CIROZ: variants seen among roughly 807,000 people sequenced by gnomAD.
CIROZ encodes ciliated left-right organizer protein containing ZP-N domains.
At chr1:10,957,634 G>A in the CIROZ span, 1 of 1,614,146 alleles carries the variant, frequency 6.2e-7, no homozygotes, top group South Asian at 1.1e-5. Context: ...TCTGAAGAAG[G>A]CCTTGTCTCG....
At chr1:10,971,646 T>G in the CIROZ span, among the ~76,000 whole-genome samples, 1 of 152,140 alleles carries the variant, frequency 6.6e-6, no homozygotes, top group Admixed American at 6.5e-5. Flanking sequence ...TCTCTTTCCT[T>G]CCTGACTTGA....
the CIROZ span, chr1:10,949,846 T>G: frequency 6.6e-7 from 1 of 1,504,360 alleles, no homozygotes; most frequent in East Asian, 2.5e-5. Context: ...TCAGCCTTCC[T>G]CCTAAGGAAG....
chr1:10,968,746 G>A, the CIROZ span, among the ~76,000 whole-genome samples: 4 of 152,214 alleles, frequency 2.6e-5, no homozygotes, highest in Non-Finnish European at 4.4e-5. Flanking sequence ...AAAAGCCACA[G>A]GTGTCTCTGA....
chr1:10,960,143 T>C, the CIROZ span, among the ~76,000 whole-genome samples: 9,259 of 152,170 alleles, frequency 0.061, 448 homozygotes, highest in African/African-American at 0.13. This position sits in a 1 kb window ranked among gnomAD's most constrained non-coding sequence, Gnocchi z 4.6. Flanking sequence ...ATCTCAGCAC[T>C]TTGGGAGGCT....
chr1:10,969,312 A>C, the CIROZ span, among the ~76,000 whole-genome samples: 2 of 151,880 alleles, frequency 1.3e-5, no homozygotes, highest in Non-Finnish European at 2.9e-5. Context: ...TCCCTCCAGA[A>C]GGTTCCAGAA....
At chr1:10,950,611 C>T in the CIROZ span, among the ~76,000 whole-genome samples, 1 of 152,184 alleles carries the variant, frequency 6.6e-6, no homozygotes, top group Admixed American at 6.5e-5. Flanking sequence ...GCAGGGTGTT[C>T]AGCAGGCCCC....
chr1:10,950,521 T>C, the CIROZ span, among the ~76,000 whole-genome samples: 1 of 152,064 alleles, frequency 6.6e-6, no homozygotes, highest in African/African-American at 2.4e-5. Context: ...CCTGACCACC[T>C]TTCAGGTCAG....
At chr1:10,965,882 A>T in the CIROZ span, among the ~76,000 whole-genome samples, 1 of 152,142 alleles carries the variant, frequency 6.6e-6, no homozygotes, top group Non-Finnish European at 1.5e-5. Context: ...TTTTAGAGTC[A>T]CATGGTCTCG....
the CIROZ span, chr1:10,955,003 AC>A: frequency 6.2e-7 from 1 of 1,603,852 alleles, no homozygotes; most frequent in Non-Finnish European, 8.5e-7. Context: ...GACCTGGAGC[AC>A]CCCGGCCGCC....
At chr1:10,948,002 A>G in the CIROZ span, 1 of 1,613,502 alleles carries the variant, frequency 6.2e-7, no homozygotes, top group Admixed American at 1.7e-5. Flanking sequence ...CTGGGCGAAC[A>G]GGTTCTGGTG....
the CIROZ span, chr1:10,970,065 G>A: frequency 3.9e-6 from 6 of 1,532,462 alleles, no homozygotes; most frequent in Non-Finnish European, 5.2e-6. Flanking sequence ...GCACTCAACT[G>A]TGTCTGTCCA....
chr1:10,954,095 C>A, the CIROZ span: 2 of 1,613,536 alleles, frequency 1.2e-6, no homozygotes, highest in African/African-American at 1.3e-5. Flanking sequence ...TCAGGTCTAC[C>A]CTATAGAAAG....
the CIROZ span, among the ~76,000 whole-genome samples, chr1:10,957,939 T>C: frequency 6.6e-6 from 1 of 152,200 alleles, no homozygotes; most frequent in Non-Finnish European, 1.5e-5. Flanking sequence ...AGCACGCTTA[T>C]ACTTTAGGGT....
the CIROZ span, among the ~76,000 whole-genome samples, chr1:10,967,020 C>T: frequency 6.6e-6 from 1 of 151,810 alleles, no homozygotes; most frequent in Admixed American, 6.6e-5. Flanking sequence ...ATGGTGGTGC[C>T]CGCCTGTAAT....
the CIROZ span, chr1:10,958,681 G>A: frequency 6.2e-7 from 1 of 1,613,482 alleles, no homozygotes; most frequent in Non-Finnish European, 8.5e-7. Flanking sequence ...CTTCCAGAGA[G>A]TTGCTCCTGC....
At chr1:10,977,873 C>A in the CIROZ span, among the ~76,000 whole-genome samples, 2 of 152,054 alleles carry the variant, frequency 1.3e-5, no homozygotes, top group Non-Finnish European at 1.5e-5. Context: ...TTTGTTTATT[C>A]CAAATTTCTG....
chr1:10,948,891 A>C, the CIROZ span: 1 of 1,448,080 alleles, frequency 6.9e-7, no homozygotes, highest in South Asian at 1.7e-5. Flanking sequence ...AGAAACAAGA[A>C]CACATGGGCT....
the CIROZ span, chr1:10,949,772 G>A: frequency 1.3e-6 from 2 of 1,580,262 alleles, no homozygotes; most frequent in Middle Eastern, 1.7e-4. Context: ...GGAGGGAGTG[G>A]TCCTCAGTGC....
chr1:10,969,891 G>C, the CIROZ span: 3 of 1,445,128 alleles, frequency 2.1e-6, no homozygotes, highest in Non-Finnish European at 2.7e-6. Flanking sequence ...AAGAGCCATG[G>C]GGGAGGAGCA....
Sources: gnomAD v4.1 joint callset for allele counts (sites outside exome capture counted in the v4.1 genomes callset) on GRCh38, gnomAD v4.1.1 for gene constraint, Gnocchi (gnomAD v3.1) non-coding constraint, MANE v1.5 for transcripts, NCBI Gene and HGNC (gene_info 2026-07-23, HGNC 2026-07-21) for gene names.